SCAPER: variants seen among roughly 807,000 people sequenced by gnomAD.
SCAPER encodes S-phase cyclin A associated protein in the ER.
In SCAPER, 98 loss-of-function variants were observed where a neutral mutation model predicts 182.2. That is an observed-to-expected ratio of 0.54 (90% CI 0.46 to 0.64). The LOEUF is 0.64. Among genes scored for constraint, SCAPER ranks in the 30% least tolerant of loss-of-function variants. The pLI is 0.00. For missense variants in SCAPER, 1,432 were observed against 1,690.0 expected, an observed-to-expected ratio of 0.85 and a Z score of 2.68; for synonymous variants, 605 against 564.6, an observed-to-expected ratio of 1.07 and a Z score of -1.01.
chr15:76,590,208 G>A (rs2049002294), intron 22 of SCAPER, among the ~76,000 whole-genome samples: 1 of 152,144 alleles, frequency 6.6e-6, no homozygotes, highest in Admixed American at 6.6e-5. Context: ...CCTCCTATCT[G>A]CCATTTTCGA....
At chr15:76,893,328 T>TA (rs955384730) in intron 1 of SCAPER, among the ~76,000 whole-genome samples, 6 of 151,250 alleles carry the variant, frequency 4.0e-5, no homozygotes, top group African/African-American at 1.2e-4. Flanking sequence ...AGTATAATAA[T>TA]AAAAAAAAGT....
intron 4 of SCAPER, among the ~76,000 whole-genome samples, chr15:76,845,658 T>C (rs1319987803): frequency 1.3e-5 from 2 of 151,674 alleles, no homozygotes; most frequent in African/African-American, 4.8e-5. Flanking sequence ...AAGTGAAACA[T>C]CTCTACAATG....
chr15:76,696,726 T>A (rs1382128309), intron 20 of SCAPER, among the ~76,000 whole-genome samples: 4 of 152,184 alleles, frequency 2.6e-5, no homozygotes, highest in Non-Finnish European at 5.9e-5. Context: ...AAATAATACT[T>A]CATTGATTTA....
At chr15:76,871,424 A>C (rs905568460) in intron 2 of SCAPER, among the ~76,000 whole-genome samples, 5 of 151,418 alleles carry the variant, frequency 3.3e-5, no homozygotes, top group Non-Finnish European at 5.9e-5. Flanking sequence ...AAAAAAAAAA[A>C]ACCTAATAAA....
chr15:76,790,528 C>G (rs1356432457), intron 8 of SCAPER, among the ~76,000 whole-genome samples: 1 of 152,114 alleles, frequency 6.6e-6, no homozygotes, highest in Non-Finnish European at 1.5e-5. Context: ...CAAATTTTAA[C>G]TTGTGTTTTT....
chr15:76,683,919 C>A (rs1348090000), intron 20 of SCAPER, among the ~76,000 whole-genome samples: 5 of 152,068 alleles, frequency 3.3e-5, no homozygotes, highest in Admixed American at 3.3e-4. Context: ...TGTAATGGAG[C>A]AAGACCACGT....
At chr15:76,414,869 T>C (rs1596498666) in intron 26 of SCAPER, among the ~76,000 whole-genome samples, 2 of 152,362 alleles carry the variant, frequency 1.3e-5, no homozygotes, top group East Asian at 1.9e-4. Context: ...TTGTTCAGTA[T>C]AGTCATTAGC....
intron 15 of SCAPER, among the ~76,000 whole-genome samples, chr15:76,734,835 G>A (rs1268162448): frequency 1.3e-5 from 2 of 151,960 alleles, no homozygotes; most frequent in African/African-American, 4.8e-5. Context: ...TCGCACCACT[G>A]CACTGCACTC....
intron 29 of SCAPER, among the ~76,000 whole-genome samples, chr15:76,375,070 T>C (rs528537879): frequency 1.3e-5 from 2 of 151,240 alleles, no homozygotes; most frequent in South Asian, 4.2e-4. Flanking sequence ...CTGCAAAAAT[T>C]AGCTGGGTGT....
At chr15:76,824,553 GA>G (rs1200548154) in intron 5 of SCAPER, among the ~76,000 whole-genome samples, 1 of 152,288 alleles carries the variant, frequency 6.6e-6, no homozygotes, top group East Asian at 1.9e-4. Flanking sequence ...TTACCAAAAT[GA>G]AAACGAGTTT....
At chr15:76,790,876 C>G (rs1021019455) in intron 8 of SCAPER, among the ~76,000 whole-genome samples, 1 of 152,114 alleles carries the variant, frequency 6.6e-6, no homozygotes, top group Non-Finnish European at 1.5e-5. Context: ...TTTCTAACTT[C>G]GTGAAATGAA....
Position 76,404,699 on chromosome 15 carries a change from G to GCATGTTAT in SCAPER, c.3312-28_3312-21dup, listed in dbSNP as rs774514640. 6.2e-7 allele frequency: 1 copy of GCATGTTAT among 1,604,310 alleles called. No individual in the cohort carries two copies. The highest frequency in any genetic ancestry group is 1.7e-5 in the Admixed American group (1 of 59,532). ...ACGTAGCTAGATATGGGGGAGAAAT[G>GCATGTTAT]CATGTTATCAATCTGAATAGGCCAG... On this transcript the variant is annotated intron_variant, in intron 26 of 31. Coordinates refer to ENST00000563290, the MANE Select transcript of SCAPER (RefSeq NM_020843.4).
intron 30 of SCAPER, among the ~76,000 whole-genome samples, chr15:76,353,511 G>A (rs542342455): frequency 3.3e-5 from 5 of 151,410 alleles, no homozygotes; most frequent in African/African-American, 9.7e-5. Context: ...CAATATAACA[G>A]GTTTTTATTT....
chr15:76,834,397 G>C (rs1172139260), intron 5 of SCAPER, among the ~76,000 whole-genome samples: 3 of 152,114 alleles, frequency 2.0e-5, no homozygotes, highest in Admixed American at 6.5e-5. Context: ...CAAGAAGTTA[G>C]AAAGATCTAA....
intron 5 of SCAPER, among the ~76,000 whole-genome samples, chr15:76,821,749 A>T (rs890853285): frequency 6.6e-6 from 1 of 152,108 alleles, no homozygotes; most frequent in African/African-American, 2.4e-5. Context: ...CTACTAAAAA[A>T]TTTTTAAAAA....
chr15:76,504,884 T>A lies in SCAPER; in HGVS notation c.2929A>T (p.Asn977Tyr). The stretch of plus-strand genomic sequence containing the variant: ...TTAGGAGGAATTCTTAAAACTGTGT[T>A]CACATTTGTGGCTGGGACTACTGCT... ...LQAVVPATNVNTVLRIPPKSL... is the reference protein window; with the variant it reads ...LQAVVPATNVYTVLRIPPKSL... Residue 977 changes from asparagine to tyrosine, a missense_variant, in exon 24 of 32, where the codon AAC becomes TAC. Transcript: ENST00000563290. 2.5e-6 allele frequency: 4 copies of A among 1,610,836 alleles called. No individual in the cohort carries two copies. Among genetic ancestry groups the A allele is most frequent in the Non-Finnish European group, 3.4e-6 (4 of 1,178,950 alleles).
At chr15:76,778,669 G>A (rs906543499) in intron 8 of SCAPER, among the ~76,000 whole-genome samples, 26 of 151,130 alleles carry the variant, frequency 1.7e-4, no homozygotes, top group African/African-American at 9.8e-5. Context: ...GTGTGTGTAT[G>A]TATATACATA....
chr15:76,854,150 TC>T (rs2071077908), intron 4 of SCAPER, among the ~76,000 whole-genome samples: 1 of 151,976 alleles, frequency 6.6e-6, no homozygotes, highest in African/African-American at 2.4e-5. Context: ...GAACCTGTAG[TC>T]CCAGCTACTC....
intron 1 of SCAPER, among the ~76,000 whole-genome samples, chr15:76,886,658 C>A (rs1195611670): frequency 6.6e-6 from 1 of 152,136 alleles, no homozygotes; most frequent in Non-Finnish European, 1.5e-5. Flanking sequence ...TGGGTATATA[C>A]CCAAGGGAAC....
Sources: allele counts gnomAD v4.1 joint callset (sites outside exome capture counted in the v4.1 genomes callset), GRCh38; gene constraint gnomAD v4.1.1; transcripts MANE v1.5; gene names NCBI Gene and HGNC (gene_info 2026-07-23, HGNC 2026-07-21).